The following NAV3 variants were observed in gnomAD, a reference collection of about 807,000 sequenced individuals.
NAV3 encodes the protein pore membrane and/or filament interacting like protein 1.
Under a neutral mutation model 244.7 loss-of-function variants are expected in NAV3, and 87 were observed. The ratio of observed to expected loss-of-function variants is 0.36; its 90% CI spans 0.30 to 0.42. The LOEUF is 0.42. NAV3 is among the 20% of genes least tolerant of loss of function. The pLI is 1.00. For synonymous variants in NAV3, 1,126 were observed against 1,042.2 expected, an observed-to-expected ratio of 1.08 and a Z score of -1.55; for missense variants, 2,663 against 2,893.3, an observed-to-expected ratio of 0.92 and a Z score of 1.83.
chr12:78,110,850 A>T (rs1407349096), intron 12 of NAV3, among the ~76,000 whole-genome samples: 1 of 152,114 alleles, frequency 6.6e-6, no homozygotes, highest in African/African-American at 2.4e-5. Context: ...AAAAAGAATG[A>T]AATCCTGTCA....
At chr12:78,155,766 G>C (rs373391) in intron 22 of NAV3, among the ~76,000 whole-genome samples, 10,670 of 151,716 alleles carry the variant, frequency 0.07, 386 homozygotes, top group Admixed American at 0.079. Context: ...TTATATGTTT[G>C]TTGGCTGCAT....
chr12:77,755,865 C>A (rs1233418618), intron 2 of NAV3, among the ~76,000 whole-genome samples: 1 of 151,558 alleles, frequency 6.6e-6, no homozygotes, highest in Non-Finnish European at 1.5e-5. Flanking sequence ...TTCCAAGTAG[C>A]TGAGACTATG....
At chr12:78,093,604 C>A (rs1954078183) in intron 12 of NAV3, among the ~76,000 whole-genome samples, 1 of 151,670 alleles carries the variant, frequency 6.6e-6, no homozygotes, top group Non-Finnish European at 1.5e-5. Context: ...GACTATAAAC[C>A]CTCTGTTTTA....
chr12:77,722,885 G>T (rs1194196589), intron 2 of NAV3, among the ~76,000 whole-genome samples: 1 of 151,976 alleles, frequency 6.6e-6, no homozygotes, highest in Admixed American at 6.6e-5. Flanking sequence ...TTTTAGAAAT[G>T]ATTTTTCTTT....
intron 2 of NAV3, among the ~76,000 whole-genome samples, chr12:77,627,938 C>T (rs1341755221): frequency 2.6e-5 from 4 of 152,088 alleles, no homozygotes; most frequent in Non-Finnish European, 5.9e-5. Flanking sequence ...ATCACATGTT[C>T]TCACTCATAT....
intron 1 of NAV3, among the ~76,000 whole-genome samples, chr12:77,903,133 G>GA (rs1430529423): frequency 6.6e-6 from 1 of 151,988 alleles, no homozygotes; most frequent in African/African-American, 2.4e-5. Flanking sequence ...CACAGAATTG[G>GA]AAAAAACTAC....
chr12:77,720,399 A>T (rs903268029), intron 2 of NAV3, among the ~76,000 whole-genome samples: 1 of 152,116 alleles, frequency 6.6e-6, no homozygotes, highest in Non-Finnish European at 1.5e-5. Context: ...GGAAGTGTGC[A>T]CATAAATTTC....
chr12:77,574,870 G>A (rs926963124), intron 2 of NAV3, among the ~76,000 whole-genome samples: 1 of 151,936 alleles, frequency 6.6e-6, no homozygotes, highest in Non-Finnish European at 1.5e-5. Flanking sequence ...GGAGGTGAAT[G>A]TCAGGGATGA....
chr12:77,675,007 G>T (rs1441212694), intron 2 of NAV3, among the ~76,000 whole-genome samples: 1 of 152,192 alleles, frequency 6.6e-6, no homozygotes, highest in African/African-American at 2.4e-5. Context: ...TCTCAAGGAA[G>T]TAGATTTTTA....
chr12:78,205,166 A>G (rs375443573), intron 39 of NAV3, 28 bp downstream of exon 39: 55 of 1,600,572 alleles, frequency 3.4e-5, no homozygotes, highest in African/African-American at 4.0e-5. Context: ...ATTTCTTCCT[A>G]TGTAATCTTG....
At position 78,160,972 on chromosome 12, in the gene NAV3, CCT is replaced by C. The variant is rs1957520179; in HGVS notation, c.4869+1691_4869+1692del. Among the ~76,000 whole-genome samples, 7 of 151,824 alleles carry C rather than the reference CCT, an allele frequency of 4.6e-5. No homozygotes were observed. The South Asian group carries it at 1.5e-3, about 32-fold the overall frequency. On this transcript the variant is annotated intron_variant, in intron 23 of 39. Coordinates refer to ENST00000397909, the MANE Select transcript of NAV3 (RefSeq NM_001024383.2). ...CTTCCTTCTTTTCCCCCTCTGTCTC[CCT>C]CTCTTTCTTTTTTGCTGCAGCTTGT...
At chr12:78,160,401 G>A (rs1957484164) in intron 23 of NAV3, among the ~76,000 whole-genome samples, 1 of 86,240 alleles carries the variant, frequency 1.2e-5, no homozygotes, top group Admixed American at 1.4e-4. Flanking sequence ...GTGTGTGTGC[G>A]TGCGTGTGTG....
intron 2 of NAV3, among the ~76,000 whole-genome samples, chr12:77,627,017 G>T (rs923766249): frequency 1.3e-5 from 2 of 152,116 alleles, no homozygotes; most frequent in Non-Finnish European, 2.9e-5. Context: ...CAAAATGACA[G>T]AAGTAGCCCT....
At position 78,037,409 on chromosome 12, in the gene NAV3, A is replaced by G. The variant is rs917689852; in HGVS notation, c.2024-12584A>G. On this transcript the variant is annotated intron_variant, in intron 9 of 39. Coordinates refer to ENST00000397909, the MANE Select transcript of NAV3 (RefSeq NM_001024383.2). ...TAGGTAAGTCCAATTTGCTCCTAAA[A>G]ACGTGTATGGGATCTTAAGAAATTT... The G allele has an allele frequency of 3.1e-5, 21 of 682,360 alleles. No homozygotes were observed. The African/African-American group carries it at 3.3e-4, about 11-fold the overall frequency. 42.3% of individuals were successfully genotyped at this position (682,360 alleles called of 1,614,324 possible). A position where few individuals can be genotyped will look rare whatever the true frequency, so the allele number is the denominator to read the frequency against.
intron 2 of NAV3, among the ~76,000 whole-genome samples, chr12:77,805,427 T>A (rs1219126966): frequency 6.6e-6 from 1 of 152,232 alleles, no homozygotes; most frequent in Admixed American, 6.5e-5. Context: ...GAGATAATCA[T>A]GTGGTTTTTG....
intron 3 of NAV3, among the ~76,000 whole-genome samples, chr12:77,957,034 C>T (rs796716132): frequency 4.6e-5 from 7 of 152,312 alleles, no homozygotes; most frequent in African/African-American, 1.7e-4. Flanking sequence ...TGAGCCACCA[C>T]ACCCAGGCCC....
rs2136578479 is a variant in NAV3 at position 78,006,945 on chromosome 12, A to G, written c.1407A>G (p.Glu469=). Residue 469 remains glutamate (E), a synonymous_variant, in exon 8 of 40, where the codon GAA becomes GAG. Transcript: ENST00000397909. ...KKSLLQPKEK[E]EKNRDKNKVC... ...CTTTGCTACAGCCAAAGGAAAAAGAAGAAAAGAACAGGGACAAAAATAAAG... is the reference window on the plus strand; with the variant it reads ...CTTTGCTACAGCCAAAGGAAAAAGAGGAAAAGAACAGGGACAAAAATAAAG... The G allele has an allele frequency of 6.2e-7, 1 of 1,613,876 alleles. No homozygotes were observed. Among genetic ancestry groups the G allele is most frequent in the East Asian group, 2.2e-5 (1 of 44,886 alleles).
intron 1 of NAV3, among the ~76,000 whole-genome samples, chr12:77,842,319 C>A (rs1051094436): frequency 6.6e-6 from 1 of 151,974 alleles, no homozygotes; most frequent in African/African-American, 2.4e-5. Flanking sequence ...TTTTTAATTT[C>A]TTCTGTTCCA....
At chr12:77,826,525 C>T (rs1223412365), upstream of NAV3, among the ~76,000 whole-genome samples, 7 of 152,120 alleles carry the variant, frequency 4.6e-5, no homozygotes, top group Non-Finnish European at 8.8e-5. Flanking sequence ...CTTTCCCACA[C>T]TGGAAACAAA....
Sources: allele counts gnomAD v4.1 joint callset (sites outside exome capture counted in the v4.1 genomes callset), GRCh38; gene constraint gnomAD v4.1.1; transcripts MANE v1.5; gene names NCBI Gene and HGNC (gene_info 2026-07-23, HGNC 2026-07-21).